The following SIPA1L1 variants were observed in gnomAD, a reference collection of about 807,000 sequenced individuals.
SIPA1L1 encodes signal induced proliferation associated 1 like 1, also known as signal-induced proliferation-associated 1-like protein 1.
In SIPA1L1, 26 loss-of-function variants were observed where a neutral mutation model predicts 162.7. The ratio of observed to expected loss-of-function variants is 0.16; its 90% CI spans 0.12 to 0.22. The LOEUF (loss-of-function observed/expected upper bound fraction) is 0.22, where lower values mean the gene tolerates loss of function less well. SIPA1L1 is among the 10% of genes least tolerant of loss of function. The pLI, the probability that SIPA1L1 is intolerant of heterozygous loss-of-function variation, is 1.00. For synonymous variants in SIPA1L1, 829 were observed against 837.4 expected, an observed-to-expected ratio of 0.99 and a Z score of 0.17; for missense variants, 1,874 against 2,241.0, an observed-to-expected ratio of 0.84 and a Z score of 3.31.
In SIPA1L1 at chr14:71,723,757, C is replaced by T. The variant is rs1356522860; in HGVS notation, c.4319C>T (p.Ser1440Phe). The T allele has an allele frequency of 6.2e-7, 1 of 1,614,186 alleles. No individual in the cohort carries two copies. The highest frequency in any genetic ancestry group is 1.1e-5 in the South Asian group (1 of 91,076). The change falls in exon 18 of 24, where the codon TCC becomes TTC. Residue 1440 changes from serine to phenylalanine, a missense_variant. By Grantham distance (155) the Ser-to-Phe change is radical. Coordinates refer to ENST00000381232, the MANE Select transcript of SIPA1L1 (RefSeq NM_001386936.1). ...AAPSQLAPSF[S>F]SSSSSSSGPR... ...CCCTCACAGCTCGCACCATCCTTCT[C>T]CTCCTCTTCCTCCTCCTCCTCTGGT...
rs376077800 is a variant in SIPA1L1 at position 71,587,945 on chromosome 14, G to T, written c.73G>T (p.Gly25Cys). 1 of 1,613,898 alleles carries T rather than the reference G, an allele frequency of 6.2e-7. No homozygotes were observed. ...CAGGGCCTCTGTTGTTGGCACAGAC[G>T]GCACCCCCAAAGTCCACACTGATGA... ...TDRASVVGTD[G>C]TPKVHTDDFY... Residue 25 changes from glycine to cysteine, a missense_variant, in exon 5 of 24, where the codon GGC (glycine) becomes TGC (cysteine). By Grantham distance (159) the Gly-to-Cys change is radical. Coordinates refer to ENST00000381232, the MANE Select transcript of SIPA1L1 (RefSeq NM_001386936.1).
At chr14:71,707,742 G>C (rs2082555332) in intron 16 of SIPA1L1, among the ~76,000 whole-genome samples, 1 of 150,204 alleles carries the variant, frequency 6.7e-6, no homozygotes, top group Non-Finnish European at 1.5e-5. Flanking sequence ...TTTACTTTTT[G>C]ACTATTATGA....
intron 2 of SIPA1L1, among the ~76,000 whole-genome samples, chr14:71,345,691 C>A (rs2036087966): frequency 6.6e-6 from 1 of 151,036 alleles, no homozygotes; most frequent in South Asian, 2.1e-4. Flanking sequence ...CTCTTGACTC[C>A]TGAGTGGCTG....
rs186857921 is a variant in SIPA1L1 at position 71,515,251 on chromosome 14, T to C, written c.-362+2406T>C. ...ATTCAGAGTGCTCTGAAGGAGAGAA[T>C]GGAGAATTCGTGTAGCAAAATTACG... On this transcript the variant is annotated intron_variant, in intron 3 of 23. Transcript: ENST00000381232. Among the ~76,000 whole-genome samples the C allele has an allele frequency of 9.5e-4, 145 of 152,348 alleles. No homozygotes were observed. The Middle Eastern group carries it at 0.017, about 18-fold the overall frequency.
chr14:71,653,165 T>G (rs1038156168), intron 8 of SIPA1L1, among the ~76,000 whole-genome samples: 23 of 152,340 alleles, frequency 1.5e-4, no homozygotes, highest in African/African-American at 3.8e-4. Flanking sequence ...TAGCTTTTAC[T>G]CTGGCTAACT....
intron 7 of SIPA1L1, among the ~76,000 whole-genome samples, chr14:71,627,667 A>G (rs570030208): frequency 1.3e-5 from 2 of 152,270 alleles, no homozygotes; most frequent in Admixed American, 1.3e-4. Context: ...ACTATGTTCT[A>G]ATCACTTTAC....
At chr14:71,712,159 G>A (rs939043513) in intron 17 of SIPA1L1, among the ~76,000 whole-genome samples, 5 of 152,114 alleles carry the variant, frequency 3.3e-5, no homozygotes, top group African/African-American at 1.2e-4. Flanking sequence ...CTTGTACCTG[G>A]GACTCAGTGA....
rs777219275 is a variant in SIPA1L1, at chr14:71,709,636, A to G, written c.4180A>G (p.Ser1394Gly). Residue 1394 changes from serine (S) to glycine (G), a missense_variant, in exon 17 of 24, where the codon AGT (serine) becomes GGT (glycine). Coordinates refer to ENST00000381232, the MANE Select transcript of SIPA1L1 (RefSeq NM_001386936.1). Reference protein sequence around the residue: ...TPLTRENSTFSINDAASHTST... With the variant: ...TPLTRENSTFGINDAASHTST... Reference sequence around the variant, plus strand: ...TCTGACAAGGGAGAACAGCACCTTCAGTATAAACGATGCTGCTTCCCACAC... The same window carrying G: ...TCTGACAAGGGAGAACAGCACCTTCGGTATAAACGATGCTGCTTCCCACAC... 1.2e-6 allele frequency: 2 copies of G among 1,613,700 alleles called. No homozygotes were observed. The highest frequency in any genetic ancestry group is 2.2e-5 in the East Asian group (1 of 44,872).
intron 17 of SIPA1L1, among the ~76,000 whole-genome samples, chr14:71,714,858 C>T (rs919171793): frequency 2.0e-5 from 3 of 152,202 alleles, no homozygotes; most frequent in East Asian, 1.9e-4. Flanking sequence ...CAGGAATTAC[C>T]GGCATGAGCC....
chr14:71,588,413 A>G lies in SIPA1L1; in HGVS notation c.541A>G (p.Ser181Gly). The change falls in exon 5 of 24, where the codon AGT becomes GGT. Residue 181 changes from serine (S) to glycine (G), a missense_variant. Coordinates refer to ENST00000381232, the MANE Select transcript of SIPA1L1 (RefSeq NM_001386936.1). This position sits in a 1 kb window ranked among gnomAD's most constrained non-coding sequence, Gnocchi z 4.3. ...GCGAAGCAACAGTGATATCACCATA[A>G]GTGAACTTGATGTGGATAGCTTTGA... ...RQRSNSDITI[S>G]ELDVDSFDEC... is the part of the protein sequence containing the mutation. 1 of 1,614,154 alleles carries G rather than the reference A, an allele frequency of 6.2e-7. No homozygotes were observed. The highest frequency in any genetic ancestry group is 8.5e-7 in the Non-Finnish European group (1 of 1,180,002).
intron 2 of SIPA1L1, among the ~76,000 whole-genome samples, chr14:71,391,631 T>G (rs2040767040): frequency 6.6e-6 from 1 of 152,336 alleles, no homozygotes; most frequent in Non-Finnish European, 1.5e-5. Flanking sequence ...AAATAGCATG[T>G]TCTGCTCTGA....
At chr14:71,479,361 G>GTATGTATGTATGTGTGTATA (rs2048155152) in intron 2 of SIPA1L1, among the ~76,000 whole-genome samples, 2 of 151,772 alleles carry the variant, frequency 1.3e-5, no homozygotes, top group African/African-American at 4.8e-5. Context: ...ATGTATGTAT[G>GTATGTATGTATGTGTGTATA]TATGTATGTA....
intron 2 of SIPA1L1, among the ~76,000 whole-genome samples, chr14:71,383,839 C>T: frequency 6.6e-6 from 1 of 152,192 alleles, no homozygotes; most frequent in Non-Finnish European, 1.5e-5. Context: ...CAGGCCCCAC[C>T]TTCCACACTG....
intron 2 of SIPA1L1, among the ~76,000 whole-genome samples, chr14:71,459,124 T>G (rs930242417): frequency 2.6e-5 from 4 of 152,040 alleles, no homozygotes; most frequent in African/African-American, 9.7e-5. Context: ...ATACACATTT[T>G]AGGAAGGTGT....
intron 7 of SIPA1L1, among the ~76,000 whole-genome samples, chr14:71,647,817 A>G (rs1341523599): frequency 6.6e-6 from 1 of 152,216 alleles, no homozygotes. Context: ...CCTTCTAAGC[A>G]TTAGCCACAT....
intron 5 of SIPA1L1, among the ~76,000 whole-genome samples, chr14:71,606,623 G>A (rs1007175340): frequency 2.0e-5 from 3 of 152,088 alleles, no homozygotes; most frequent in African/African-American, 7.2e-5. Flanking sequence ...AAGGGTCATG[G>A]GGCTCTTCCA....
intron 2 of SIPA1L1, among the ~76,000 whole-genome samples, chr14:71,395,369 A>G (rs967086887): frequency 2.6e-5 from 4 of 152,156 alleles, no homozygotes; most frequent in African/African-American, 9.7e-5. Context: ...ATGGTTAAAA[A>G]TGACTCAAAG....
At chr14:71,490,466 C>G (rs967368923) in intron 2 of SIPA1L1, among the ~76,000 whole-genome samples, 2 of 152,010 alleles carry the variant, frequency 1.3e-5, no homozygotes, top group South Asian at 2.1e-4. Flanking sequence ...CTAACTGTGT[C>G]TAAATTTTTT....
intron 4 of SIPA1L1, among the ~76,000 whole-genome samples, chr14:71,532,064 GA>G (rs1450360428): frequency 2.0e-5 from 3 of 150,614 alleles, no homozygotes; most frequent in South Asian, 4.2e-4. Context: ...TTTAACATTT[GA>G]AAAAAAGTGA....
Sources: allele counts gnomAD v4.1 joint callset (sites outside exome capture counted in the v4.1 genomes callset), GRCh38; gene constraint gnomAD v4.1.1; non-coding constraint Gnocchi (gnomAD v3.1); transcripts MANE v1.5; gene names NCBI Gene and HGNC (gene_info 2026-07-23, HGNC 2026-07-21).